Variants in TMEM26 observed in about 807,000 individuals in gnomAD.
TMEM26 encodes transmembrane protein 26.
TMEM26 carries 38 observed loss-of-function variants against 28.8 expected under a neutral mutation model. The observed-to-expected ratio is 1.32, with a 90% CI of 1.02 to 1.73. TMEM26 has a LOEUF of 1.73. Among genes scored for constraint, TMEM26 ranks in the 40% most tolerant of loss-of-function variants. TMEM26 has a pLI of 0.00. For missense variants in TMEM26, 518 were observed against 447.1 expected, an observed-to-expected ratio of 1.16 and a Z score of -1.43; for synonymous variants, 227 against 182.9, an observed-to-expected ratio of 1.24 and a Z score of -1.95.
chr10:61,431,392 C>G (rs1483577122), intron 2 of TMEM26, 60 bp from the exon 3 acceptor site: 1 of 1,173,768 alleles, frequency 8.5e-7, no homozygotes, highest in African/African-American at 1.5e-5. Flanking sequence ...TGGTAGAGAT[C>G]AAAATGACTT....
intron 1 of TMEM26, chr10:61,452,604 C>A: frequency 2.6e-6 from 1 of 386,908 alleles, no homozygotes; most frequent in Non-Finnish European, 4.8e-6. Context: ...GCAAAATAGA[C>A]CAGCGCTTCC....
At chr10:61,429,740 C>G (rs1480807776) in intron 3 of TMEM26, among the ~76,000 whole-genome samples, 2 of 151,922 alleles carry the variant, frequency 1.3e-5, no homozygotes, top group Admixed American at 1.3e-4. Context: ...ATTCAATAAT[C>G]CATAAGCCAG....
At chr10:61,422,208 T>G (rs1839761321) in intron 4 of TMEM26, among the ~76,000 whole-genome samples, 1 of 152,038 alleles carries the variant, frequency 6.6e-6, no homozygotes, top group African/African-American at 2.4e-5. Flanking sequence ...ACAATTAGAA[T>G]GAAAGATTTC....
chr10:61,436,609 G>A (rs1440260944), intron 1 of TMEM26, among the ~76,000 whole-genome samples: 1 of 152,130 alleles, frequency 6.6e-6, no homozygotes. Context: ...AAATACAGCA[G>A]GAGTAAATCT....
chr10:61,423,976 T>A (rs184293054), intron 4 of TMEM26, among the ~76,000 whole-genome samples: 8 of 152,292 alleles, frequency 5.3e-5, no homozygotes, highest in Admixed American at 3.3e-4. Flanking sequence ...AGGGCATCTA[T>A]ACAAAACCCA....
intron 4 of TMEM26, among the ~76,000 whole-genome samples, chr10:61,419,575 A>T (rs559123264): frequency 1.1e-4 from 16 of 152,218 alleles, no homozygotes; most frequent in Middle Eastern, 6.8e-3. Flanking sequence ...CTACATCTGG[A>T]TTTGAGATGG....
Position 61,453,250 on chromosome 10 carries a change from C to T in TMEM26, c.-169G>A. On this transcript the variant is annotated 5_prime_UTR_variant, in exon 1 of 6. Transcript: ENST00000399298. ...ATGCCGGTAGAACTGGTGCGCGGCT[C>T]GCCCCTCCCCCAAACTTCCTGAGAA... is the stretch of plus-strand genomic sequence containing the variant. 1 of 669,190 alleles carries T rather than the reference C, an allele frequency of 1.5e-6. No homozygotes were observed. The highest frequency in any genetic ancestry group is 2.5e-6 in the Non-Finnish European group (1 of 401,052). 41.5% of individuals were successfully genotyped at this position (669,190 alleles called of 1,614,324 possible).
At position 61,417,458 on chromosome 10, in the gene TMEM26, T is replaced by C. The variant is rs561888616; in HGVS notation, c.606-3923A>G. ...AAAAGACAGAATCAGTGGATAGAATTCATCTAGTTTTTTTTTTTTTTAATG... is the reference window on the plus strand; with the variant it reads ...AAAAGACAGAATCAGTGGATAGAATCCATCTAGTTTTTTTTTTTTTTAATG... On this transcript the variant is annotated intron_variant, in intron 4 of 5. Coordinates refer to ENST00000399298, the MANE Select transcript of TMEM26 (RefSeq NM_178505.8). Among the ~76,000 whole-genome samples, 143 of 144,466 alleles carry C rather than the reference T, an allele frequency of 9.9e-4. 1 individual carries two copies. The highest frequency in any genetic ancestry group is 3.4e-3 in the African/African-American group (137 of 40,810). 94.8% of individuals were successfully genotyped at this position (144,466 alleles called of 152,430 possible). A position where few individuals can be genotyped will look rare whatever the true frequency, so the allele number is the denominator to read the frequency against.
intron 3 of TMEM26, 28 bp downstream of exon 3, chr10:61,431,191 C>T: frequency 6.4e-7 from 1 of 1,569,860 alleles, no homozygotes; most frequent in Non-Finnish European, 8.8e-7. Flanking sequence ...TTTCTAGATC[C>T]TTTAATAAAC....
chr10:61,420,880 C>A (rs535789917), intron 4 of TMEM26, among the ~76,000 whole-genome samples: 74 of 151,920 alleles, frequency 4.9e-4, no homozygotes, highest in African/African-American at 1.7e-3. Context: ...ATGGGAAATT[C>A]AAAGAACATA....
At chr10:61,446,817 C>CAAAAAAAAAAAAAAAAAAAAAA (rs34030340) in intron 1 of TMEM26, among the ~76,000 whole-genome samples, 2 of 33,944 alleles carry the variant, frequency 5.9e-5, no homozygotes, top group African/African-American at 2.3e-4. Flanking sequence ...GACTCCATCT[C>CAAAAAAAAAAAAAAAAAAAAAA]AAAAAAAAAA....
At chr10:61,432,101 C>CTGTGTG (rs980911531) in intron 2 of TMEM26, among the ~76,000 whole-genome samples, 6 of 151,528 alleles carry the variant, frequency 4.0e-5, no homozygotes, top group Non-Finnish European at 8.9e-5. Context: ...CAGTGTGTGT[C>CTGTGTG]TGTGTGTGTG....
At chr10:61,411,022 C>A (rs192409175) in intron 5 of TMEM26, among the ~76,000 whole-genome samples, 93 of 152,312 alleles carry the variant, frequency 6.1e-4, no homozygotes, top group African/African-American at 2.2e-3. Flanking sequence ...AGGAGCCAGT[C>A]ATGGTCACAA....
chr10:61,410,583 G>C lies in TMEM26; in HGVS notation c.846C>G (p.Ile282Met). 1 of 1,614,114 alleles carries C rather than the reference G, an allele frequency of 6.2e-7. No individual in the cohort carries two copies. The highest frequency in any genetic ancestry group is 1.3e-5 in the African/African-American group (1 of 75,028). The change falls in exon 6 of 6, where the codon ATC (isoleucine) becomes ATG (methionine). Residue 282 changes from isoleucine (I) to methionine (M), a missense_variant. Physicochemically the swap from Ile to Met is conservative, Grantham distance 10. Transcript: ENST00000399298. ...CGGCAAAGAACACCAGCATCTGATT[G>C]ATCACTTTGAAATAGGTCATCAGTA... is the stretch of plus-strand genomic sequence containing the variant. ...RLILMTYFKV[I>M]NQMLVFFAAK...
rs1240181975 is a variant in TMEM26 at position 61,406,833 on chromosome 10, A to T, written c.*3489T>A. Reference sequence around the variant, plus strand: ...AATTATTCAAACATTGTTTAAAGTTACTCCCTGCATATGGAAACTTATTTG... The same window carrying T: ...AATTATTCAAACATTGTTTAAAGTTTCTCCCTGCATATGGAAACTTATTTG... On this transcript the variant is annotated 3_prime_UTR_variant, in exon 6 of 6. Coordinates refer to ENST00000399298, the MANE Select transcript of TMEM26 (RefSeq NM_178505.8). 2 of 151,990 alleles carry T rather than the reference A, an allele frequency of 1.3e-5. No homozygotes were observed. The highest frequency in any genetic ancestry group is 2.9e-5 in the Non-Finnish European group (2 of 67,978). The allele number at this position is 151,990 out of a possible 1,614,324, so 9.4% of individuals were successfully genotyped here. A position where few individuals can be genotyped will look rare whatever the true frequency, so the allele number is the denominator to read the frequency against.
chr10:61,453,246 G>A lies in TMEM26; in HGVS notation c.-165C>T. 1.4e-6 allele frequency: 1 copy of A among 690,566 alleles called. No homozygotes were observed. Among genetic ancestry groups the A allele is most frequent in the Non-Finnish European group, 2.4e-6 (1 of 420,018 alleles). The allele number at this position is 690,566 out of a possible 1,614,324, so 42.8% of individuals were successfully genotyped here. On this transcript the variant is annotated 5_prime_UTR_variant, in exon 1 of 6. Transcript: ENST00000399298. Reference sequence around the variant, plus strand: ...CCCGATGCCGGTAGAACTGGTGCGCGGCTCGCCCCTCCCCCAAACTTCCTG... The same window carrying A: ...CCCGATGCCGGTAGAACTGGTGCGCAGCTCGCCCCTCCCCCAAACTTCCTG...
intron 4 of TMEM26, among the ~76,000 whole-genome samples, chr10:61,420,488 C>T (rs1839727291): frequency 6.6e-6 from 1 of 152,038 alleles, no homozygotes; most frequent in African/African-American, 2.4e-5. Context: ...ACTATAATGG[C>T]TAACTCTGGT....
intron 5 of TMEM26, among the ~76,000 whole-genome samples, chr10:61,412,631 A>T (rs1182846808): frequency 6.6e-6 from 1 of 152,192 alleles, no homozygotes; most frequent in East Asian, 1.9e-4. Flanking sequence ...AGATGACTCC[A>T]GATGAACACT....
intron 4 of TMEM26, among the ~76,000 whole-genome samples, chr10:61,426,516 C>A (rs1426296163): frequency 6.6e-6 from 1 of 151,622 alleles, no homozygotes; most frequent in African/African-American, 2.4e-5. Flanking sequence ...TCAATGTGAG[C>A]CAAAGGAAGG....
Sources: allele counts gnomAD v4.1 joint callset (sites outside exome capture counted in the v4.1 genomes callset), GRCh38; gene constraint gnomAD v4.1.1; transcripts MANE v1.5; gene names NCBI Gene and HGNC (gene_info 2026-07-23, HGNC 2026-07-21).